The following FAM177B variants were observed in gnomAD, a reference collection of about 807,000 sequenced individuals.
FAM177B encodes the protein family with sequence similarity 177 member B.
Under a neutral mutation model 16.1 loss-of-function variants are expected in FAM177B, and 16 were observed. That is an observed-to-expected ratio of 0.99 (90% CI 0.67 to 1.51). The LOEUF (loss-of-function observed/expected upper bound fraction) is 1.51. Among genes scored for constraint, FAM177B ranks in the 40% most tolerant of loss-of-function variants. FAM177B has a pLI of 0.00. For synonymous variants in FAM177B, 56 were observed against 59.9 expected (o/e 0.93, Z 0.30); for missense variants, 178 against 183.7 (o/e 0.97, Z 0.18).
chr1:222,749,592 C>A (rs1410841442), intron 5 of FAM177B, 30 bp downstream of exon 5: 1 of 1,309,774 alleles, frequency 7.6e-7, no homozygotes, highest in Non-Finnish European at 1.1e-6. Context: ...AAACAAGGGG[C>A]CTGAGATGGG....
chr1:222,750,010 A>T lies in FAM177B; in HGVS notation c.429A>T (p.Gln143His). 1 of 1,613,994 alleles carries T rather than the reference A, an allele frequency of 6.2e-7. No homozygotes were observed. Residue 143 changes from glutamine to histidine, a missense_variant, in exon 6 of 6, where the codon CAA becomes CAT. Coordinates refer to ENST00000445590, the MANE Select transcript of FAM177B (RefSeq NM_001394345.1). ...AGTGTCACTTGGAGGCTGGGGTCCA[A>T]GAGTATGGAACCATACAACAGGATG... Reference protein sequence around the residue: ...NEKCHLEAGVQEYGTIQQDVT... With the variant: ...NEKCHLEAGVHEYGTIQQDVT...
At chr1:222,749,681 G>A (rs1658968029) in intron 5 of FAM177B, 119 bp downstream of exon 5, 3 of 731,864 alleles carry the variant, frequency 4.1e-6, no homozygotes, top group Admixed American at 2.6e-5. Context: ...ATTTCACCAA[G>A]CTCCCATAGT....
At chr1:222,739,440 T>C (rs755816532) in intron 2 of FAM177B, among the ~76,000 whole-genome samples, 4 of 152,198 alleles carry the variant, frequency 2.6e-5, no homozygotes, top group Non-Finnish European at 5.9e-5. Context: ...TGCCTGAACA[T>C]TGGGATGACC....
rs952838719 is a variant in FAM177B, at chr1:222,747,036, T to C, written c.196T>C (p.Tyr66His). 5 of 1,478,068 alleles carry C rather than the reference T, an allele frequency of 3.4e-6. No homozygotes were observed. Among genetic ancestry groups the C allele is most frequent in the Non-Finnish European group, 3.8e-6 (4 of 1,059,840 alleles). The allele number at this position is 1,478,068 out of a possible 1,614,324, so 91.6% of individuals were successfully genotyped here. A position where few individuals can be genotyped will look rare whatever the true frequency, so the allele number is the denominator to read the frequency against. Reference sequence around the variant, plus strand: ...TCAGTCTAAACTTTCCTGGGGGCCCTACCTACGATTTTGGGCAGGACGAAT... The same window carrying C: ...TCAGTCTAAACTTTCCTGGGGGCCCCACCTACGATTTTGGGCAGGACGAAT... The part of the protein sequence containing the change: ...LDPSKLSWGP[Y>H]LRFWAGRIAS... The change falls in exon 4 of 6, where the codon TAC (tyrosine) becomes CAC (histidine). Residue 66 changes from tyrosine (Y) to histidine (H), a missense_variant. Tyr to His is a moderately conservative substitution (Grantham distance 83). Coordinates refer to ENST00000445590, the MANE Select transcript of FAM177B (RefSeq NM_001394345.1).
Position 222,750,050 on chromosome 1 carries a change from C to G in FAM177B, c.469C>G (p.Pro157Ala), listed in dbSNP as rs373526768. Residue 157 changes from proline (P) to alanine (A), a missense_variant, in exon 6 of 6, where the codon CCT becomes GCT. Physicochemically the swap from Pro to Ala is conservative, Grantham distance 27. Coordinates refer to ENST00000445590, the MANE Select transcript of FAM177B (RefSeq NM_001394345.1). ...ACAACAGGATGTGACAGAGGCCATT[C>G]CTCAGTGAAGCACCTCATCCAGGGA... ...TIQQDVTEAI[P>A]Q 1.5e-5 allele frequency: 25 copies of G among 1,613,174 alleles called. No homozygotes were observed. The highest frequency in any genetic ancestry group is 2.1e-5 in the Non-Finnish European group (25 of 1,179,858).
In FAM177B at chr1:222,747,070, C is replaced by G; in HGVS notation, c.230C>G (p.Thr77Ser). The G allele has an allele frequency of 6.2e-7, 1 of 1,609,064 alleles. No homozygotes were observed. Among genetic ancestry groups the G allele is most frequent in the Non-Finnish European group, 8.5e-7 (1 of 1,175,568 alleles). ...TTTTGGGCAGGACGAATAGCAAGCA[C>G]CTCATTTTCTAGTAAGTACTGCTAA... ...LRFWAGRIASTSFSTCEFLGG... is the reference protein window; with the variant it reads ...LRFWAGRIASSSFSTCEFLGG... Residue 77 changes from threonine to serine, a missense_variant, in exon 4 of 6, where the codon ACC (threonine) becomes AGC (serine). Thr to Ser is a moderately conservative substitution (Grantham distance 58). Transcript: ENST00000445590.
intron 2 of FAM177B, among the ~76,000 whole-genome samples, chr1:222,744,916 AG>A (rs914359930): frequency 3.6e-4 from 55 of 152,294 alleles, no homozygotes; most frequent in African/African-American, 1.3e-3. Flanking sequence ...CACCCCAAAA[AG>A]CTCCCTTTGT....
chr1:222,749,547 T>C lies in FAM177B; in HGVS notation c.324T>C (p.Tyr108=). ...ATCAGTATGTGTTAAACGAGTTCTA[T>C]AGGATACAAAACAAGGTATGTGACA... ...PKYQYVLNEF[Y]RIQNKKSDNK... is the part of the protein sequence containing the mutation. Residue 108 remains tyrosine, a synonymous_variant, in exon 5 of 6, where the codon TAT becomes TAC. Transcript: ENST00000445590. The C allele has an allele frequency of 1.3e-6, 2 of 1,594,316 alleles. No individual in the cohort carries two copies. Among genetic ancestry groups the C allele is most frequent in the Non-Finnish European group, 1.7e-6 (2 of 1,164,234 alleles).
intron 2 of FAM177B, among the ~76,000 whole-genome samples, chr1:222,745,027 A>C (rs1230212322): frequency 6.6e-6 from 1 of 152,210 alleles, no homozygotes; most frequent in Non-Finnish European, 1.5e-5. Flanking sequence ...ACATAAATGG[A>C]ATTATATACG....
Position 222,747,092 on chromosome 1 carries a change from C to CT in FAM177B, c.241+12dup. The CT allele has an allele frequency of 1.3e-6, 2 of 1,580,778 alleles. No individual in the cohort carries two copies. The highest frequency in any genetic ancestry group is 1.7e-6 in the Non-Finnish European group (2 of 1,149,804). ...GCACCTCATTTTCTAGTAAGTACTGCTAAGGTTATTTTTTTCTATCCTAAA... is the reference window on the plus strand; with the variant it reads ...GCACCTCATTTTCTAGTAAGTACTGCTTAAGGTTATTTTTTTCTATCCTAAA... On this transcript the variant is annotated intron_variant, in intron 4 of 5. Coordinates refer to ENST00000445590, the MANE Select transcript of FAM177B (RefSeq NM_001394345.1).
At chr1:222,746,392 T>A in intron 2 of FAM177B, 139 bp from the exon 3 acceptor site, 1 of 488,688 alleles carries the variant, frequency 2.0e-6, no homozygotes, top group Non-Finnish European at 3.6e-6. Flanking sequence ...AGAACAGTCC[T>A]TTTTTGGATT....
At chr1:222,745,627 C>A (rs1257484784) in intron 2 of FAM177B, among the ~76,000 whole-genome samples, 1 of 149,878 alleles carries the variant, frequency 6.7e-6, no homozygotes, top group East Asian at 2.0e-4. Context: ...TGCAGCCCCC[C>A]AAAAAAATTT....
chr1:222,747,556 T>C (rs1658859834), intron 4 of FAM177B: 1 of 153,514 alleles, frequency 6.5e-6, no homozygotes, highest in Non-Finnish European at 1.4e-5. Context: ...GGGGGCATAA[T>C]GAATGGGCTA....
At chr1:222,739,371 T>G (rs1164574917) in intron 2 of FAM177B, among the ~76,000 whole-genome samples, 4 of 152,232 alleles carry the variant, frequency 2.6e-5, no homozygotes, top group Non-Finnish European at 4.4e-5. Context: ...CACAAGTCTC[T>G]GTTTCAGTTT....
At chr1:222,749,637 G>A (rs2125066622) in intron 5 of FAM177B, 75 bp downstream of exon 5, 1 of 905,772 alleles carries the variant, frequency 1.1e-6, no homozygotes, top group South Asian at 1.6e-5. Flanking sequence ...CCAGTATAGA[G>A]AAGTATTTTT....
At position 222,749,964 on chromosome 1, in the gene FAM177B, C is replaced by A. The variant is rs761631057; in HGVS notation, c.383C>A (p.Ala128Glu). ...GAAAGGAGAGGATCAAAGGCCCAGG[C>A]AGCTGAGGTTCCTAATGAAAAGTGT... is the stretch of plus-strand genomic sequence containing the variant. Reference protein sequence around the residue: ...KSERRGSKAQAAEVPNEKCHL... With the variant: ...KSERRGSKAQEAEVPNEKCHL... Residue 128 changes from alanine to glutamate, a missense_variant, in exon 6 of 6, where the codon GCA becomes GAA. Ala to Glu is a moderately radical substitution (Grantham distance 107). Coordinates refer to ENST00000445590, the MANE Select transcript of FAM177B (RefSeq NM_001394345.1). 2 of 1,614,012 alleles carry A rather than the reference C, an allele frequency of 1.2e-6. No individual in the cohort carries two copies. Among genetic ancestry groups the A allele is most frequent in the African/African-American group, 1.3e-5 (1 of 75,044 alleles).
intron 3 of FAM177B, 67 bp from the exon 4 acceptor site, chr1:222,746,948 A>G (rs1658826818): frequency 1.8e-6 from 2 of 1,122,420 alleles, no homozygotes; most frequent in Admixed American, 1.7e-5. Context: ...AAATCTCTAC[A>G]TTAAAACAAA....
At position 222,749,487 on chromosome 1, in the gene FAM177B, A is replaced by G. The variant is rs561540048; in HGVS notation, c.264A>G (p.Arg88=). 26 of 1,608,868 alleles carry G rather than the reference A, an allele frequency of 1.6e-5. No homozygotes were observed. The highest frequency in any genetic ancestry group is 2.1e-5 in the Non-Finnish European group (25 of 1,176,870). Residue 88 remains arginine (R), a synonymous_variant, in exon 5 of 6, where the codon AGA becomes AGG. Transcript: ENST00000445590. ...TAGCATGTGAATTCCTTGGTGGAAG[A>G]TTTGCTGTCTTCTTTGGTCTTACTC... ...SFSTCEFLGG[R]FAVFFGLTQP... is the part of the protein sequence containing the mutation.
rs369907456 is a variant in FAM177B at position 222,741,057 on chromosome 1, C to CTTTTTTTTTTTTTT, written c.-16+3044_-16+3057dup. Among the ~76,000 whole-genome samples the CTTTTTTTTTTTTTT allele has an allele frequency of 1.4e-3, 118 of 82,170 alleles. 4 individuals are homozygous for CTTTTTTTTTTTTTT. The highest frequency in any genetic ancestry group is 0.032 in the Middle Eastern group (2 of 62). The allele number at this position is 82,170 out of a possible 152,430, so 53.9% of individuals were successfully genotyped here. A position where few individuals can be genotyped will look rare whatever the true frequency, so the allele number is the denominator to read the frequency against. ...TTTATTGCATCTTACTTTTTGTTTT[C>CTTTTTTTTTTTTTT]TTTTTTTTTTTTTTTTTTTTTGAGA... On this transcript the variant is annotated intron_variant, in intron 2 of 5. Transcript: ENST00000445590.
Sources: allele counts gnomAD v4.1 joint callset (sites outside exome capture counted in the v4.1 genomes callset), GRCh38; gene constraint gnomAD v4.1.1; transcripts MANE v1.5; gene names NCBI Gene and HGNC (gene_info 2026-07-23, HGNC 2026-07-21).